PDE11A: variants seen among roughly 807,000 people sequenced by gnomAD.
PDE11A encodes dual 3',5'-cyclic-AMP and -GMP phosphodiesterase 11A.
In PDE11A, 100 loss-of-function variants were observed where a neutral mutation model predicts 100.5. That is an observed-to-expected ratio of 1.00 (90% confidence interval 0.85 to 1.18). The LOEUF (loss-of-function observed/expected upper bound fraction) is 1.18. Ranked by LOEUF, PDE11A falls within the 50% of genes most tolerant of loss-of-function variation. PDE11A has a pLI of 0.00. For missense variants in PDE11A, 1,141 were observed against 1,152.6 expected (o/e 0.99, Z 0.15); for synonymous variants, 381 against 420.8 (o/e 0.91, Z 1.16).
intron 1 of PDE11A, among the ~76,000 whole-genome samples, chr2:178,037,901 T>C (rs1228380511): frequency 6.6e-6 from 1 of 151,748 alleles, no homozygotes; most frequent in South Asian, 2.1e-4. Context: ...GGGAGAGCAT[T>C]AGGACAAATA....
chr2:177,944,864 T>C (rs2085387710), intron 2 of PDE11A, among the ~76,000 whole-genome samples: 1 of 113,802 alleles, frequency 8.8e-6, no homozygotes, highest in Non-Finnish European at 1.9e-5. Flanking sequence ...CTCCCCACGG[T>C]CTCCCTCTCA....
At chr2:178,037,250 T>G (rs928710676) in intron 1 of PDE11A, among the ~76,000 whole-genome samples, 2 of 152,110 alleles carry the variant, frequency 1.3e-5, no homozygotes, top group Non-Finnish European at 2.9e-5. Flanking sequence ...GACATTTATG[T>G]GGCCAACAAA....
intron 19 of PDE11A, among the ~76,000 whole-genome samples, chr2:177,663,437 T>G (rs566109765): frequency 6.7e-6 from 1 of 148,228 alleles, no homozygotes; most frequent in South Asian, 2.2e-4. Context: ...TAAAGAAAAT[T>G]TGTAAAAAAA....
intron 15 of PDE11A, among the ~76,000 whole-genome samples, chr2:177,695,313 C>T (rs2081095815): frequency 6.6e-6 from 1 of 151,986 alleles, no homozygotes; most frequent in Non-Finnish European, 1.5e-5. Context: ...TTTATCATTT[C>T]TATTTGTTAG....
At chr2:177,655,626 A>G (rs562326388) in intron 19 of PDE11A, among the ~76,000 whole-genome samples, 1 of 151,942 alleles carries the variant, frequency 6.6e-6, no homozygotes, top group South Asian at 2.1e-4. Context: ...TCAGCCTCGA[A>G]CTCCTGGGCT....
At chr2:177,787,404 G>A (rs2082553939) in intron 9 of PDE11A, among the ~76,000 whole-genome samples, 1 of 151,318 alleles carries the variant, frequency 6.6e-6, no homozygotes, top group Admixed American at 6.6e-5. Flanking sequence ...AACATGGAAA[G>A]GAACAACTGG....
chr2:177,837,388 T>C (rs982867886), intron 6 of PDE11A, among the ~76,000 whole-genome samples: 1 of 152,146 alleles, frequency 6.6e-6, no homozygotes, highest in Admixed American at 6.5e-5. Context: ...GACCTGTAAC[T>C]ACGTGGGAGT....
intron 12 of PDE11A, among the ~76,000 whole-genome samples, chr2:177,714,297 A>G (rs951889532): frequency 6.6e-6 from 1 of 151,876 alleles, no homozygotes; most frequent in African/African-American, 2.4e-5. Context: ...CCAGCCCCCC[A>G]CTATATTTCT....
chr2:177,742,088 G>A (rs552415402), intron 10 of PDE11A, among the ~76,000 whole-genome samples: 9 of 151,750 alleles, frequency 5.9e-5, no homozygotes, highest in Admixed American at 2.0e-4. Flanking sequence ...CTTGTCAAAT[G>A]CAATTATCAG....
At position 177,738,616 on chromosome 2, in the gene PDE11A, A is replaced by G. The variant is rs560407469; in HGVS notation, c.1789-10444T>C. Among the ~76,000 whole-genome samples, 15 of 152,258 alleles carry G rather than the reference A, an allele frequency of 9.9e-5. No homozygotes were observed. The South Asian group carries it at 3.1e-3, about 32-fold the overall frequency. ...TAACTCACATGCTCGGTTGAATCTT[A>G]ATGGCTTCCTGCCTACATCAACCTC... is the stretch of plus-strand genomic sequence containing the variant. On this transcript the variant is annotated intron_variant, in intron 10 of 19. Coordinates refer to ENST00000286063, the MANE Select transcript of PDE11A (RefSeq NM_016953.4).
At chr2:177,931,151 C>T (rs770032037) in intron 2 of PDE11A, among the ~76,000 whole-genome samples, 9 of 144,650 alleles carry the variant, frequency 6.2e-5, no homozygotes, top group South Asian at 2.3e-4. Flanking sequence ...AGCGAAACTC[C>T]GTCTCAAAAA....
At chr2:177,946,081 G>T (rs1193767534) in intron 2 of PDE11A, among the ~76,000 whole-genome samples, 1 of 91,622 alleles carries the variant, frequency 1.1e-5, no homozygotes, top group East Asian at 2.9e-4. Flanking sequence ...CTGGCCAGCC[G>T]CCCCGTCCGG....
chr2:178,104,448 T>C (rs924652486), exon 2 of PDE11A: 29 of 1,613,954 alleles, frequency 1.8e-5, no homozygotes, highest in Non-Finnish European at 2.5e-5. Flanking sequence ...AAAGGTCTTC[T>C]TGCCTGCTTC....
intron 9 of PDE11A, chr2:177,797,249 G>A (rs1022916409): frequency 1.3e-5 from 2 of 152,156 alleles, no homozygotes; most frequent in African/African-American, 4.8e-5. Context: ...CCTCAAAAGA[G>A]CCCTTGCGGT....
In PDE11A at chr2:178,016,058, G is replaced by A. The variant is rs573074449; in HGVS notation, c.913-1598C>T. On this transcript the variant is annotated intron_variant, in intron 1 of 19. Transcript: ENST00000286063. ...CGGTTCACTGCAACCTCCACCTCCC[G>A]GGTTCAAGCGATTCTCCTGCCTCAT... Among the ~76,000 whole-genome samples, 9 of 151,296 alleles carry A rather than the reference G, an allele frequency of 5.9e-5. No individual in the cohort carries two copies. In the South Asian group the frequency reaches 1.0e-3, roughly 18 times the overall value.
intron 6 of PDE11A, among the ~76,000 whole-genome samples, chr2:177,839,024 A>C (rs1460982655): frequency 1.3e-5 from 2 of 152,230 alleles, no homozygotes; most frequent in Non-Finnish European, 2.9e-5. Context: ...AAGGAATAGA[A>C]AATACATGGA....
intron 4 of PDE11A, among the ~76,000 whole-genome samples, chr2:177,890,690 C>T (rs1400957810): frequency 3.3e-5 from 5 of 152,128 alleles, no homozygotes; most frequent in Non-Finnish European, 7.4e-5. Flanking sequence ...GACACCCTGA[C>T]TTTTAAGTTT....
chr2:177,846,084 A>G (rs1398653834), intron 5 of PDE11A, among the ~76,000 whole-genome samples: 1 of 151,328 alleles, frequency 6.6e-6, no homozygotes, highest in Non-Finnish European at 1.5e-5. Flanking sequence ...TGGAATTCCT[A>G]ATGGTCTACT....
chr2:177,927,326 G>T (rs913437667), intron 2 of PDE11A, among the ~76,000 whole-genome samples: 9 of 152,162 alleles, frequency 5.9e-5, no homozygotes, highest in Non-Finnish European at 1.0e-4. Flanking sequence ...CCTGCCACTT[G>T]TCGTACTTAT....
Sources: allele counts gnomAD v4.1 joint callset (sites outside exome capture counted in the v4.1 genomes callset), GRCh38; gene constraint gnomAD v4.1.1; transcripts MANE v1.5; gene names NCBI Gene and HGNC (gene_info 2026-07-23, HGNC 2026-07-21).